SLC13A3: variants seen among roughly 807,000 people sequenced by gnomAD.
SLC13A3 encodes the protein Na(+)/dicarboxylate cotransporter 3.
SLC13A3 carries 40 observed loss-of-function variants against 59.0 expected under a neutral mutation model. That is an observed-to-expected ratio of 0.68 (90% CI 0.53 to 0.88). The LOEUF (loss-of-function observed/expected upper bound fraction) is 0.88, where lower values mean the gene tolerates loss of function less well. Ranked by LOEUF, SLC13A3 falls within the 40% of genes least tolerant of loss-of-function variation. The pLI is 0.00. For synonymous variants in SLC13A3, 317 were observed against 330.3 expected (o/e 0.96, Z 0.44); for missense variants, 699 against 783.2 (o/e 0.89, Z 1.28).
intron 1 of SLC13A3, among the ~76,000 whole-genome samples, chr20:46,636,254 A>G (rs1021299050): frequency 2.0e-5 from 3 of 152,208 alleles, no homozygotes; most frequent in Non-Finnish European, 4.4e-5. Flanking sequence ...CTTTCTGCCA[A>G]CAATACTATA....
At chr20:46,646,192 G>A (rs902601018) in intron 1 of SLC13A3, among the ~76,000 whole-genome samples, 7 of 152,186 alleles carry the variant, frequency 4.6e-5, no homozygotes, top group African/African-American at 1.7e-4. Context: ...GAAAACTCAA[G>A]GGCCTCTCTC....
chr20:46,563,821 CGA>C (rs1269841925), intron 11 of SLC13A3, among the ~76,000 whole-genome samples: 5 of 152,020 alleles, frequency 3.3e-5, no homozygotes, highest in Non-Finnish European at 7.4e-5. Flanking sequence ...AGAACCAGAT[CGA>C]GAGAGAGGTG....
chr20:46,644,776 A>T (rs184769956), intron 1 of SLC13A3, among the ~76,000 whole-genome samples: 7 of 152,296 alleles, frequency 4.6e-5, no homozygotes, highest in African/African-American at 1.7e-4. Context: ...GCATCCCAGG[A>T]ACATGGGGCC....
chr20:46,610,348 G>C, intron 3 of SLC13A3, 98 bp downstream of exon 3: 1 of 1,151,310 alleles, frequency 8.7e-7, no homozygotes, highest in Non-Finnish European at 1.2e-6. Context: ...TGCTCAATAA[G>C]TGTGCATGCC....
intron 11 of SLC13A3, 95 bp from the exon 12 acceptor site, chr20:46,563,646 G>A: frequency 4.6e-6 from 5 of 1,078,328 alleles, no homozygotes; most frequent in Non-Finnish European, 6.6e-6. Flanking sequence ...GTTGGAAAGA[G>A]GGACACAAAG....
At chr20:46,616,206 G>A (rs144419145) in intron 1 of SLC13A3, among the ~76,000 whole-genome samples, 96 of 152,242 alleles carry the variant, frequency 6.3e-4, no homozygotes, top group African/African-American at 2.1e-3. Flanking sequence ...CAAGACCAGA[G>A]TCCATAAATA....
At chr20:46,684,075 C>G (rs2063167244) in intron 1 of SLC13A3, among the ~76,000 whole-genome samples, 1 of 152,334 alleles carries the variant, frequency 6.6e-6, no homozygotes, top group East Asian at 1.9e-4. Context: ...ATCTCATGTT[C>G]TGCTCCTCCC....
upstream of SLC13A3, among the ~76,000 whole-genome samples, chr20:46,674,604 C>CGTGTGT (rs58582046): frequency 0.034 from 4,395 of 127,844 alleles, 127 homozygotes; most frequent in African/African-American, 0.074. Context: ...CGCGCGCGCG[C>CGTGTGT]GTGTGTGTGT....
At position 46,564,112 on chromosome 20, in the gene SLC13A3, C is replaced by T. The variant is rs948752606; in HGVS notation, c.1495-561G>A. Among the ~76,000 whole-genome samples the T allele has an allele frequency of 5.1e-4, 77 of 152,334 alleles. 1 individual carries two copies. Among genetic ancestry groups the T allele is most frequent in the African/African-American group, 1.7e-3 (69 of 41,568 alleles). On this transcript the variant is annotated intron_variant, in intron 11 of 12. Coordinates refer to ENST00000279027, the MANE Select transcript of SLC13A3 (RefSeq NM_022829.6). ...GAGAACCAGGGCTTTAAAATACTTC[C>T]TCTGCCTGCTCCTTCCCTCAGCCAA...
Position 46,596,235 on chromosome 20 carries a change from G to A in SLC13A3, c.716C>T (p.Pro239Leu), listed in dbSNP as rs267605968. 6.2e-7 allele frequency: 1 copy of A among 1,614,180 alleles called. No individual in the cohort carries two copies. Among genetic ancestry groups the A allele is most frequent in the East Asian group, 2.2e-5 (1 of 44,880 alleles). The change falls in exon 5 of 13, where the codon CCC becomes CTC. Residue 239 changes from proline (P) to leucine (L), a missense_variant. Pro to Leu is a moderately conservative substitution (Grantham distance 98, BLOSUM62 -3). Coordinates refer to ENST00000279027, the MANE Select transcript of SLC13A3 (RefSeq NM_022829.6). ...NIWKGFLISIPYSASIGGTAT... is the reference protein window; with the variant it reads ...NIWKGFLISILYSASIGGTAT... The stretch of plus-strand genomic sequence containing the variant: ...TGTGCCCCCAATACTGGCTGAGTAG[G>A]GGATGGAGATGAGGAAGCCCTTCCA...
upstream of SLC13A3, among the ~76,000 whole-genome samples, chr20:46,674,606 T>TGC (rs2063113196): frequency 1.4e-5 from 1 of 73,938 alleles, no homozygotes; most frequent in African/African-American, 4.0e-5. Context: ...CGCGCGCGCG[T>TGC]GTGTGTGTGT....
At chr20:46,614,758 AGGG>A (rs1040553582) in intron 1 of SLC13A3, among the ~76,000 whole-genome samples, 2 of 152,350 alleles carry the variant, frequency 1.3e-5, no homozygotes, top group Non-Finnish European at 2.9e-5. Flanking sequence ...TGTGCAGACC[AGGG>A]TAGACCAAAG....
upstream of SLC13A3, among the ~76,000 whole-genome samples, chr20:46,652,109 C>CA (rs1327904793): frequency 3.3e-5 from 5 of 152,162 alleles, no homozygotes; most frequent in Non-Finnish European, 7.3e-5. Context: ...TGGGAGGAGA[C>CA]AGAGGATCAG....
At chr20:46,627,178 A>G (rs889285126) in intron 1 of SLC13A3, among the ~76,000 whole-genome samples, 1 of 152,240 alleles carries the variant, frequency 6.6e-6, no homozygotes, top group East Asian at 1.9e-4. Flanking sequence ...GTATTTGTTA[A>G]AAGAATGAAT....
intron 1 of SLC13A3, among the ~76,000 whole-genome samples, chr20:46,628,384 T>C (rs1206925873): frequency 1.3e-5 from 2 of 152,080 alleles, no homozygotes; most frequent in African/African-American, 2.4e-5. Context: ...GGTAAAACAT[T>C]GCTTAGCTCC....
chr20:46,652,328 T>C (rs1383296858), upstream of SLC13A3, among the ~76,000 whole-genome samples: 1 of 152,212 alleles, frequency 6.6e-6, no homozygotes, highest in Non-Finnish European at 1.5e-5. Context: ...TAGCGCAGTG[T>C]CTGGCAGAGC....
chr20:46,570,707 T>G lies in SLC13A3; in HGVS notation c.1333-4317A>C, dbSNP rs116883526. ...ACCATTGCAAAGTTGAAAAATCGTA[T>G]GTCGAATCGTTGTGAAGTCAGGAAC... On this transcript the variant is annotated intron_variant, in intron 10 of 12. Transcript: ENST00000279027. Among the ~76,000 whole-genome samples, 185 of 152,314 alleles carry G rather than the reference T, an allele frequency of 1.2e-3. 1 individual carries two copies. The East Asian group carries it at 0.03, about 24-fold the overall frequency.
At chr20:46,594,435 C>T (rs956686627) in intron 5 of SLC13A3, among the ~76,000 whole-genome samples, 2 of 152,236 alleles carry the variant, frequency 1.3e-5, no homozygotes, top group Non-Finnish European at 2.9e-5. Context: ...TCTCCATCCC[C>T]AACCTAGGCT....
upstream of SLC13A3, chr20:46,673,665 C>T (rs2063105735): frequency 1.3e-5 from 2 of 152,242 alleles, no homozygotes; most frequent in African/African-American, 2.4e-5. Context: ...TCACGTCACT[C>T]ACCCTGTACA....
Sources: allele counts gnomAD v4.1 joint callset (sites outside exome capture counted in the v4.1 genomes callset), GRCh38; gene constraint gnomAD v4.1.1; transcripts MANE v1.5; gene names NCBI Gene and HGNC (gene_info 2026-07-23, HGNC 2026-07-21).